The following TANC2 variants were observed in gnomAD, a reference collection of about 807,000 sequenced individuals.
TANC2 encodes the protein tetratricopeptide repeat, ankyrin repeat and coiled-coil containing 2, also known as protein TANC2.
TANC2 carries 26 observed loss-of-function variants against 210.5 expected under a neutral mutation model. That is an observed-to-expected ratio of 0.12 (90% CI 0.09 to 0.17). The LOEUF is 0.17. TANC2 is among the 10% of genes least tolerant of loss of function. The pLI, the probability that TANC2 is intolerant of heterozygous loss-of-function variation, is 1.00. For missense variants in TANC2, 2,129 were observed against 2,608.9 expected (o/e 0.82, Z 4.01); for synonymous variants, 931 against 967.1 (o/e 0.96, Z 0.69).
At position 63,262,762 on chromosome 17, in the gene TANC2, G is replaced by A. The variant is rs147380662; in HGVS notation, c.1034-4986G>A. On this transcript the variant is annotated intron_variant, in intron 8 of 27. Coordinates refer to ENST00000689528, the Ensembl canonical transcript of TANC2. Reference sequence around the variant, plus strand: ...GGCCAGGGCCACCCCCTGCATCTTGGCCTAAACTCCTCTCAACCCCCAAAA... The same window carrying A: ...GGCCAGGGCCACCCCCTGCATCTTGACCTAAACTCCTCTCAACCCCCAAAA... Among the ~76,000 whole-genome samples the A allele has an allele frequency of 5.8e-3, 889 of 152,094 alleles. 8 individuals are homozygous for A. The highest frequency in any genetic ancestry group is 0.021 in the African/African-American group (856 of 41,466).
At chr17:63,352,348 A>G (rs1455003115) in intron 13 of TANC2, among the ~76,000 whole-genome samples, 1 of 152,208 alleles carries the variant, frequency 6.6e-6, no homozygotes, top group South Asian at 2.1e-4. Flanking sequence ...AGTTAGCATT[A>G]CTGTCTTCCA....
chr17:63,274,505 A>C (rs1370301663), intron 9 of TANC2, among the ~76,000 whole-genome samples: 4 of 152,290 alleles, frequency 2.6e-5, no homozygotes, highest in African/African-American at 9.6e-5. Context: ...TAACTAATAA[A>C]GTTTTTAACT....
At chr17:63,231,864 G>T (rs1418606523) in intron 7 of TANC2, among the ~76,000 whole-genome samples, 1 of 152,160 alleles carries the variant, frequency 6.6e-6, no homozygotes, top group Non-Finnish European at 1.5e-5. Context: ...TTTCCAACTT[G>T]GTTCCATTCT....
intron 4 of TANC2, among the ~76,000 whole-genome samples, chr17:63,109,419 C>G (rs1288869682): frequency 1.3e-5 from 2 of 151,322 alleles, no homozygotes; most frequent in Non-Finnish European, 2.9e-5. Flanking sequence ...AGCTTTATAG[C>G]AAAACAATAC....
intron 4 of TANC2, among the ~76,000 whole-genome samples, chr17:63,102,666 C>A (rs1246330882): frequency 6.6e-6 from 1 of 150,650 alleles, no homozygotes; most frequent in African/African-American, 2.4e-5. Context: ...GAACATCACA[C>A]ACCAGGATTG....
intron 4 of TANC2, among the ~76,000 whole-genome samples, chr17:63,114,384 T>C (rs1261775010): frequency 6.6e-6 from 1 of 152,228 alleles, no homozygotes; most frequent in Non-Finnish European, 1.5e-5. Context: ...TACTCTTTAC[T>C]CTCTTTTTCT....
intron 12 of TANC2, among the ~76,000 whole-genome samples, chr17:63,342,379 T>A (rs1254890332): frequency 6.6e-6 from 1 of 152,200 alleles, no homozygotes; most frequent in Non-Finnish European, 1.5e-5. Flanking sequence ...AGTGGTTACC[T>A]CACCTTGAAC....
intron 1 of TANC2, among the ~76,000 whole-genome samples, chr17:62,974,162 T>C (rs1026300749): frequency 5.3e-5 from 8 of 152,342 alleles, no homozygotes; most frequent in African/African-American, 1.9e-4. Context: ...ATTCCTTCTA[T>C]TTACTGAGAA....
intron 2 of TANC2, among the ~76,000 whole-genome samples, chr17:63,032,126 A>C (rs2034794920): frequency 6.6e-6 from 1 of 152,180 alleles, no homozygotes; most frequent in African/African-American, 2.4e-5. Flanking sequence ...GCAACCTTGC[A>C]CATTTGTTTT....
chr17:63,289,585 C>G, intron 9 of TANC2, among the ~76,000 whole-genome samples: 1 of 152,158 alleles, frequency 6.6e-6, no homozygotes, highest in East Asian at 1.9e-4. Flanking sequence ...TTACATTACC[C>G]ACTATTGTTG....
intron 7 of TANC2, among the ~76,000 whole-genome samples, chr17:63,212,754 C>A (rs1388603556): frequency 2.6e-5 from 4 of 152,154 alleles, no homozygotes; most frequent in African/African-American, 9.7e-5. Context: ...AAAAGCCCTT[C>A]TTACTATGAA....
intron 8 of TANC2, among the ~76,000 whole-genome samples, chr17:63,252,259 A>G (rs1429670721): frequency 6.6e-6 from 1 of 151,988 alleles, no homozygotes; most frequent in African/African-American, 2.4e-5. Flanking sequence ...GTATATGTAT[A>G]TATTTATAGG....
At chr17:63,366,138 G>A (rs931275519) in intron 14 of TANC2, among the ~76,000 whole-genome samples, 13 of 152,028 alleles carry the variant, frequency 8.6e-5, no homozygotes, top group Non-Finnish European at 1.9e-4. Context: ...TCAAATATTT[G>A]AGAAACTCTT....
intron 1 of TANC2, among the ~76,000 whole-genome samples, chr17:62,995,325 A>G (rs974807632): frequency 6.6e-6 from 1 of 152,248 alleles, no homozygotes; most frequent in Non-Finnish European, 1.5e-5. Context: ...TCATAATGTA[A>G]GGATCCAGAA....
At chr17:63,208,460 T>G (rs2041789477) in intron 7 of TANC2, among the ~76,000 whole-genome samples, 1 of 152,328 alleles carries the variant, frequency 6.6e-6, no homozygotes, top group African/African-American at 2.4e-5. Context: ...CAAAGTCCCC[T>G]AACTTGATCA....
chr17:62,974,292 A>G (rs1180265180), intron 1 of TANC2, among the ~76,000 whole-genome samples: 6 of 152,306 alleles, frequency 3.9e-5, no homozygotes, highest in Middle Eastern at 3.4e-3. Context: ...TCAAGATTCT[A>G]TTCCTTTTTT....
chr17:63,099,219 G>C, exon 4 of TANC2: 2 of 1,599,442 alleles, frequency 1.3e-6, no homozygotes, highest in Non-Finnish European at 1.7e-6. Context: ...GCCAGACTAC[G>C]CTGTCCCGCC....
At chr17:63,117,952 A>G (rs1440018458) in intron 4 of TANC2, among the ~76,000 whole-genome samples, 3 of 152,152 alleles carry the variant, frequency 2.0e-5, no homozygotes, top group Non-Finnish European at 4.4e-5. Flanking sequence ...TTATATATTT[A>G]TATGCATATA....
At chr17:63,372,786 A>G (rs2047309338) in intron 14 of TANC2, among the ~76,000 whole-genome samples, 1 of 151,844 alleles carries the variant, frequency 6.6e-6, no homozygotes, top group Non-Finnish European at 1.5e-5. Flanking sequence ...TCATAAGGTG[A>G]TATTATATAA....
Sources: allele counts gnomAD v4.1 joint callset (sites outside exome capture counted in the v4.1 genomes callset), GRCh38; gene constraint gnomAD v4.1.1; transcripts MANE v1.5; gene names NCBI Gene and HGNC (gene_info 2026-07-23, HGNC 2026-07-21).